Variants in C1orf185 observed in about 807,000 individuals in gnomAD.
C1orf185 encodes the protein chromosome 1 open reading frame 185, also known as uncharacterized protein C1orf185.
A neutral mutation model predicts 16.1 loss-of-function variants in C1orf185; 13 were observed. The ratio of observed to expected loss-of-function variants is 0.81; its 90% CI spans 0.53 to 1.28. The LOEUF (loss-of-function observed/expected upper bound fraction) is 1.28. Among genes scored for constraint, C1orf185 ranks in the 50% most tolerant of loss-of-function variants. The pLI is 0.00. For missense variants in C1orf185, 220 were observed against 225.2 expected (o/e 0.98, Z 0.15); for synonymous variants, 80 against 76.9 (o/e 1.04, Z -0.21).
intron 3 of C1orf185, among the ~76,000 whole-genome samples, chr1:51,137,331 G>A (rs1447738698): frequency 6.6e-6 from 1 of 152,078 alleles, no homozygotes; most frequent in East Asian, 1.9e-4. Context: ...TCAGGAGTTA[G>A]AGACCAGTCT....
chr1:51,137,658 C>G (rs1206362924), intron 3 of C1orf185, among the ~76,000 whole-genome samples: 1 of 152,116 alleles, frequency 6.6e-6, no homozygotes, highest in Non-Finnish European at 1.5e-5. Flanking sequence ...TCCTCAAAGG[C>G]TTAAAAACAG....
rs754836275 is a variant in C1orf185, at chr1:51,147,479, A to G, written c.308A>G (p.His103Arg). 3 of 1,526,046 alleles carry G rather than the reference A, an allele frequency of 2.0e-6. No homozygotes were observed. Among genetic ancestry groups the G allele is most frequent in the Non-Finnish European group, 2.6e-6 (3 of 1,137,304 alleles). 94.5% of individuals were successfully genotyped at this position (1,526,046 alleles called of 1,614,324 possible). The change falls in exon 5 of 5, where the codon CAT becomes CGT. Residue 103 changes from histidine (H) to arginine (R), a missense_variant. By Grantham distance (29) the His-to-Arg change is conservative. Transcript: ENST00000371759. ...EAAHIKAIKDHSKDEPQLATK... is the reference protein window; with the variant it reads ...EAAHIKAIKDRSKDEPQLATK... ...TCTGTTTTTACAGCAATTAAAGATC[A>G]TTCTAAAGATGAACCCCAACTTGCA...
intron 3 of C1orf185, among the ~76,000 whole-genome samples, chr1:51,136,339 ATTTT>A (rs199798609): frequency 7.0e-6 from 1 of 143,596 alleles, no homozygotes. Flanking sequence ...TTTGATCTTG[ATTTT>A]TTTTTTTTTT....
At position 51,147,595 on chromosome 1, in the gene C1orf185, T is replaced by G; in HGVS notation, c.424T>G (p.Ser142Ala). The G allele has an allele frequency of 6.4e-7, 1 of 1,551,586 alleles. No individual in the cohort carries two copies. The highest frequency in any genetic ancestry group is 8.7e-7 in the Non-Finnish European group (1 of 1,146,932). ...TLSLSTLPSDSYYSQSIEAAD... is the reference protein window; with the variant it reads ...TLSLSTLPSDAYYSQSIEAAD... ...AAGCTTATCAACATTACCATCTGATTCTTATTACAGCCAAAGTATAGAAGC... is the reference window on the plus strand; with the variant it reads ...AAGCTTATCAACATTACCATCTGATGCTTATTACAGCCAAAGTATAGAAGC... Residue 142 changes from serine (S) to alanine (A), a missense_variant, in exon 5 of 5, where the codon TCT (serine) becomes GCT (alanine). Coordinates refer to ENST00000371759, the MANE Select transcript of C1orf185 (RefSeq NM_001136508.2).
At chr1:51,140,084 T>C (rs1290100659) in intron 3 of C1orf185, among the ~76,000 whole-genome samples, 1 of 152,226 alleles carries the variant, frequency 6.6e-6, no homozygotes, top group Non-Finnish European at 1.5e-5. Context: ...TCACTGAGAA[T>C]GGCAAATAAT....
chr1:51,131,850 C>A (rs764018703), intron 3 of C1orf185, among the ~76,000 whole-genome samples: 1 of 152,086 alleles, frequency 6.6e-6, no homozygotes, highest in African/African-American at 2.4e-5. Context: ...TGGCTGACAC[C>A]ACCCATTAGA....
At chr1:51,105,329 A>G (rs1279320823) in intron 1 of C1orf185, among the ~76,000 whole-genome samples, 1 of 151,910 alleles carries the variant, frequency 6.6e-6, no homozygotes, top group Non-Finnish European at 1.5e-5. Context: ...TTATCAGGCA[A>G]TGTTTAACTA....
chr1:51,109,367 C>T (rs549438939), intron 1 of C1orf185, among the ~76,000 whole-genome samples: 283 of 152,262 alleles, frequency 1.9e-3, no homozygotes, highest in Non-Finnish European at 3.2e-3. Flanking sequence ...CAAGTTGTCT[C>T]TTCGCTTTGT....
At chr1:51,112,411 C>G in intron 1 of C1orf185, 53 bp from the exon 2 acceptor site, 2 of 1,383,876 alleles carry the variant, frequency 1.4e-6, no homozygotes, top group East Asian at 5.1e-5. Context: ...TCAGTTTTAC[C>G]TAGAGAATAA....
chr1:51,126,430 A>T (rs939323948), intron 3 of C1orf185, among the ~76,000 whole-genome samples: 1 of 149,548 alleles, frequency 6.7e-6, no homozygotes, highest in African/African-American at 2.4e-5. Flanking sequence ...TGTCCACTTT[A>T]AAAAAAAAAT....
intron 3 of C1orf185, among the ~76,000 whole-genome samples, chr1:51,139,774 A>C (rs1000010766): frequency 6.6e-6 from 1 of 152,214 alleles, no homozygotes; most frequent in Non-Finnish European, 1.5e-5. Flanking sequence ...GTAACACTTC[A>C]GTAACACACA....
chr1:51,102,809 CT>C (rs1458996745), intron 1 of C1orf185, among the ~76,000 whole-genome samples: 8 of 152,004 alleles, frequency 5.3e-5, no homozygotes, highest in African/African-American at 1.9e-4. Context: ...AATTTGTATG[CT>C]AAGCTCATTA....
At chr1:51,139,042 C>CAA (rs1340148464) in intron 3 of C1orf185, among the ~76,000 whole-genome samples, 12 of 152,050 alleles carry the variant, frequency 7.9e-5, no homozygotes, top group Non-Finnish European at 1.3e-4. Flanking sequence ...ATTTTACTTA[C>CAA]ATTTTTTACA....
intron 1 of C1orf185, among the ~76,000 whole-genome samples, chr1:51,109,789 T>G (rs1226557065): frequency 6.6e-6 from 1 of 152,214 alleles, no homozygotes; most frequent in Non-Finnish European, 1.5e-5. Context: ...TTTTGGTTAT[T>G]ATAGCATTGT....
At chr1:51,129,170 C>T (rs1437949741) in intron 3 of C1orf185, among the ~76,000 whole-genome samples, 2 of 152,170 alleles carry the variant, frequency 1.3e-5, no homozygotes, top group Non-Finnish European at 2.9e-5. Context: ...CAGGCGAGAG[C>T]CACCGTGCCT....
At chr1:51,121,649 A>G (rs1443447123) in intron 3 of C1orf185, among the ~76,000 whole-genome samples, 1 of 152,268 alleles carries the variant, frequency 6.6e-6, no homozygotes, top group Non-Finnish European at 1.5e-5. Flanking sequence ...TTCCTCTTCT[A>G]CTACAGGCAG....
intron 3 of C1orf185, 67 bp downstream of exon 3, chr1:51,118,868 C>T: frequency 8.7e-7 from 1 of 1,153,948 alleles, no homozygotes; most frequent in South Asian, 3.0e-5. Flanking sequence ...ATTAGCATTG[C>T]TGTCTTAAAA....
chr1:51,135,548 C>T (rs1461442182), intron 3 of C1orf185, among the ~76,000 whole-genome samples: 3 of 152,034 alleles, frequency 2.0e-5, no homozygotes, highest in African/African-American at 7.2e-5. Flanking sequence ...AAAAACAAAA[C>T]AAAACAGAAC....
chr1:51,120,708 A>G (rs1014548870), intron 3 of C1orf185, among the ~76,000 whole-genome samples: 1 of 152,232 alleles, frequency 6.6e-6, no homozygotes, highest in Admixed American at 6.5e-5. Flanking sequence ...GGTACTAATG[A>G]TATAATAATA....
Sources: gnomAD v4.1 joint callset for allele counts (sites outside exome capture counted in the v4.1 genomes callset) on GRCh38, gnomAD v4.1.1 for gene constraint, MANE v1.5 for transcripts, NCBI Gene and HGNC (gene_info 2026-07-23, HGNC 2026-07-21) for gene names.